The following TMEM74 variants were observed in gnomAD, a reference collection of about 807,000 sequenced individuals.
TMEM74 encodes the protein transmembrane protein 74.
A neutral mutation model predicts 18.1 loss-of-function variants in TMEM74; 13 were observed. That is an observed-to-expected ratio of 0.72 (90% CI 0.47 to 1.14). The LOEUF (loss-of-function observed/expected upper bound fraction) is 1.14. Among genes scored for constraint, TMEM74 ranks in the 50% most tolerant of loss-of-function variants. TMEM74 has a pLI of 0.00. For synonymous variants in TMEM74, 159 were observed against 146.6 expected (o/e 1.08, Z -0.61); for missense variants, 372 against 375.9 (o/e 0.99, Z 0.09).
chr8:108,665,276 A>G (rs1375061590), intron 1 of TMEM74, among the ~76,000 whole-genome samples: 1 of 152,154 alleles, frequency 6.6e-6, no homozygotes, highest in African/African-American at 2.4e-5. Context: ...CTGGTCCAGC[A>G]GTCTGGGATG....
intron 1 of TMEM74, among the ~76,000 whole-genome samples, chr8:108,694,208 C>T (rs1459109199): frequency 6.6e-6 from 1 of 152,168 alleles, no homozygotes; most frequent in Non-Finnish European, 1.5e-5. Context: ...TTAGTACATT[C>T]ACAATGTTGT....
chr8:108,619,855 T>A (rs2130541666), intron 2 of TMEM74, among the ~76,000 whole-genome samples: 1 of 152,320 alleles, frequency 6.6e-6, no homozygotes, highest in East Asian at 1.9e-4. Flanking sequence ...TCATATAATG[T>A]ATGAACCACA....
chr8:108,680,881 CAGAG>C (rs1244363800), intron 1 of TMEM74, among the ~76,000 whole-genome samples: 6 of 152,110 alleles, frequency 3.9e-5, no homozygotes, highest in Non-Finnish European at 8.8e-5. Flanking sequence ...AACAGACAAA[CAGAG>C]AGCCAAATCA....
chr8:108,765,899 G>T (rs1291963081), intron 1 of TMEM74, among the ~76,000 whole-genome samples: 1 of 145,718 alleles, frequency 6.9e-6, no homozygotes, highest in Non-Finnish European at 1.5e-5. Context: ...TTTTCTTATT[G>T]GGGGAGGCTT....
At chr8:108,648,265 C>A (rs1812740659) in intron 2 of TMEM74, among the ~76,000 whole-genome samples, 1 of 151,994 alleles carries the variant, frequency 6.6e-6, no homozygotes, top group Non-Finnish European at 1.5e-5. Flanking sequence ...TGCATTGGAG[C>A]CTGGCCTCTT....
chr8:108,686,365 A>AT lies in TMEM74; in HGVS notation n.120-30929dup, dbSNP rs11325145. ...AGGCACCTGCCACCGCGCCCGGCTA[A>AT]TTTTTTTTTTGTATTTTTAGTAGAG... On this transcript the variant is annotated intron_variant and non_coding_transcript_variant, in intron 1 of 3. Transcript: ENST00000518838. Among the ~76,000 whole-genome samples, 537 of 148,152 alleles carry AT rather than the reference A, an allele frequency of 3.6e-3. 1 individual carries two copies. Among genetic ancestry groups the AT allele is most frequent in the Non-Finnish European group, 6.6e-3 (440 of 66,710 alleles).
At chr8:108,612,442 G>GA (rs1259864774) in intron 2 of TMEM74, among the ~76,000 whole-genome samples, 1 of 152,186 alleles carries the variant, frequency 6.6e-6, no homozygotes, top group Non-Finnish European at 1.5e-5. Flanking sequence ...TCATTTTCCA[G>GA]ATTAAGAAAT....
chr8:108,742,828 T>C (rs2130647283), intron 1 of TMEM74, among the ~76,000 whole-genome samples: 1 of 152,256 alleles, frequency 6.6e-6, no homozygotes, highest in South Asian at 2.1e-4. Flanking sequence ...GAGACTTCCG[T>C]GTGAATCAAA....
chr8:108,716,576 C>T (rs1048564056), intron 1 of TMEM74, among the ~76,000 whole-genome samples: 1 of 151,912 alleles, frequency 6.6e-6, no homozygotes, highest in Non-Finnish European at 1.5e-5. Context: ...AAATTTACAA[C>T]TTTATGTTAT....
At chr8:108,742,263 T>C (rs909238404) in intron 1 of TMEM74, among the ~76,000 whole-genome samples, 5 of 152,130 alleles carry the variant, frequency 3.3e-5, no homozygotes, top group African/African-American at 1.2e-4. Flanking sequence ...ACTTATACAA[T>C]GAATCTTCAC....
chr8:108,611,590 G>C (rs1812334179), intron 2 of TMEM74, among the ~76,000 whole-genome samples: 1 of 152,174 alleles, frequency 6.6e-6, no homozygotes, highest in South Asian at 2.1e-4. Context: ...ACACAAATAA[G>C]AGCTGGTGAC....
chr8:108,777,895 G>C (rs1378618510), downstream of TMEM74, among the ~76,000 whole-genome samples: 5 of 152,082 alleles, frequency 3.3e-5, no homozygotes, highest in African/African-American at 7.2e-5. Context: ...TCCATGAGTT[G>C]AAAGGACAAA....
chr8:108,775,409 A>C (rs1348264217), downstream of TMEM74, among the ~76,000 whole-genome samples: 9 of 152,134 alleles, frequency 5.9e-5, no homozygotes, highest in African/African-American at 1.9e-4. Context: ...GGGGACTCAA[A>C]TGTTGTTTAT....
intron 1 of TMEM74, among the ~76,000 whole-genome samples, chr8:108,749,332 C>G (rs1813882184): frequency 6.6e-6 from 1 of 152,116 alleles, no homozygotes; most frequent in Non-Finnish European, 1.5e-5. Context: ...TTTCCTTGAG[C>G]AGTGGTTTGT....
intron 2 of TMEM74, among the ~76,000 whole-genome samples, chr8:108,646,796 C>T (rs1563739616): frequency 6.6e-6 from 1 of 152,098 alleles, no homozygotes; most frequent in African/African-American, 2.4e-5. Context: ...CTTCATAACT[C>T]AGGTTATAAA....
chr8:108,640,637 A>G (rs945414295), intron 2 of TMEM74, among the ~76,000 whole-genome samples: 5 of 152,094 alleles, frequency 3.3e-5, no homozygotes, highest in African/African-American at 1.2e-4. Context: ...GAGATTAGCA[A>G]ATTTTTTTTT....
At position 108,679,281 on chromosome 8, in the gene TMEM74, T is replaced by G. The variant is rs1301704336; in HGVS notation, n.120-23844A>C. Among the ~76,000 whole-genome samples the G allele has an allele frequency of 3.3e-5, 5 of 152,160 alleles. No homozygotes were observed. The East Asian group carries it at 9.6e-4, about 29-fold the overall frequency. On this transcript the variant is annotated intron_variant and non_coding_transcript_variant, in intron 1 of 3. Transcript: ENST00000518838. ...TATACCCAGTAATGGGATGGCTGGG[T>G]CAAATGGTATTTCTAGTTCTAGATC...
intron 1 of TMEM74, among the ~76,000 whole-genome samples, chr8:108,691,685 T>A (rs995832671): frequency 6.6e-6 from 1 of 151,870 alleles, no homozygotes; most frequent in Non-Finnish European, 1.5e-5. Context: ...AATAATCTAG[T>A]TGGGAAGTAA....
At chr8:108,685,135 T>G (rs1016633927) in intron 1 of TMEM74, among the ~76,000 whole-genome samples, 1 of 152,090 alleles carries the variant, frequency 6.6e-6, no homozygotes, top group African/African-American at 2.4e-5. Context: ...GTTTTTCTTG[T>G]AGAGATTTTT....
Sources: allele counts gnomAD v4.1 joint callset (sites outside exome capture counted in the v4.1 genomes callset), GRCh38; gene constraint gnomAD v4.1.1; transcripts MANE v1.5; gene names NCBI Gene and HGNC (gene_info 2026-07-23, HGNC 2026-07-21).